The following KCND3 variants were observed in gnomAD, a reference collection of about 807,000 sequenced individuals.
The protein encoded by KCND3 is potassium voltage-gated channel subfamily D member 3.
In KCND3, 9 loss-of-function variants were observed where a neutral mutation model predicts 51.1. That is an observed-to-expected ratio of 0.18 (90% CI 0.11 to 0.31). The LOEUF (loss-of-function observed/expected upper bound fraction) is 0.31. Ranked by LOEUF, KCND3 falls within the 10% of genes least tolerant of loss-of-function variation. The pLI, the probability that KCND3 is intolerant of heterozygous loss-of-function variation, is 1.00. For synonymous variants in KCND3, 349 were observed against 368.0 expected (o/e 0.95, Z 0.59); for missense variants, 526 against 903.8 (o/e 0.58, Z 5.36).
chr1:111,937,117 G>A (rs1396675283), intron 2 of KCND3, among the ~76,000 whole-genome samples: 1 of 152,158 alleles, frequency 6.6e-6, no homozygotes, highest in African/African-American at 2.4e-5. Context: ...AGTTGTCTGG[G>A]TAAGTCCCAA....
intron 2 of KCND3, among the ~76,000 whole-genome samples, chr1:111,845,978 G>A (rs1365393655): frequency 6.6e-6 from 1 of 152,186 alleles, no homozygotes; most frequent in East Asian, 1.9e-4. Context: ...TCCATTCCCA[G>A]TGAGTCCCCA....
chr1:111,784,702 C>T (rs1305719957), intron 3 of KCND3, among the ~76,000 whole-genome samples: 1 of 152,080 alleles, frequency 6.6e-6, no homozygotes, highest in Admixed American at 6.5e-5. Context: ...TTTTTTTTCC[C>T]TCTTATAGGA....
At chr1:111,956,314 G>A (rs374438546) in intron 2 of KCND3, among the ~76,000 whole-genome samples, 4 of 152,146 alleles carry the variant, frequency 2.6e-5, no homozygotes, top group East Asian at 1.9e-4. Flanking sequence ...GGGCATCAAC[G>A]TCATCAGTGC....
chr1:111,956,050 A>G (rs1186071307), intron 2 of KCND3, among the ~76,000 whole-genome samples: 1 of 152,098 alleles, frequency 6.6e-6, no homozygotes, highest in East Asian at 1.9e-4. Flanking sequence ...ATTACCTTTA[A>G]TTTACAGATG....
At position 111,775,819 on chromosome 1, in the gene KCND3, A is replaced by AGCCC; in HGVS notation, c.*257_*258insGGGC. 4 of 97,706 alleles carry AGCCC rather than the reference A, an allele frequency of 4.1e-5. No individual in the cohort carries two copies. Among genetic ancestry groups the AGCCC allele is most frequent in the South Asian group, 1.9e-4 (1 of 5,202 alleles). The allele number at this position is 97,706 out of a possible 1,614,324, so 6.1% of individuals were successfully genotyped here. On this transcript the variant is annotated 3_prime_UTR_variant, in exon 8 of 8. Transcript: ENST00000302127. ...GCCTATATCCCCCGGCCTATCCCCG[A>AGCCC]CCCCCCCACCCTCCCTCCCTTCCTC...
At chr1:111,800,413 G>A (rs564420833) in intron 2 of KCND3, among the ~76,000 whole-genome samples, 3 of 108,670 alleles carry the variant, frequency 2.8e-5, no homozygotes, top group Non-Finnish European at 5.6e-5. Context: ...GCGGAAGGCC[G>A]CAGGGTCCTC....
At chr1:111,841,386 G>A (rs1269767167) in intron 2 of KCND3, among the ~76,000 whole-genome samples, 4 of 152,170 alleles carry the variant, frequency 2.6e-5, no homozygotes, top group African/African-American at 9.7e-5. Flanking sequence ...ATGAGCTTAT[G>A]TTAACTTGTT....
chr1:111,783,663 G>C (rs1451650846), intron 3 of KCND3, among the ~76,000 whole-genome samples: 1 of 152,120 alleles, frequency 6.6e-6, no homozygotes, highest in Non-Finnish European at 1.5e-5. Flanking sequence ...TTGCATTCTG[G>C]GACATTTATT....
At chr1:111,841,544 A>G (rs536810221) in intron 2 of KCND3, among the ~76,000 whole-genome samples, 2 of 152,372 alleles carry the variant, frequency 1.3e-5, no homozygotes, top group East Asian at 3.9e-4. Flanking sequence ...ATCGCTATGC[A>G]ACTCAGAGCA....
At chr1:111,815,130 C>T (rs182668815) in intron 2 of KCND3, among the ~76,000 whole-genome samples, 2 of 152,146 alleles carry the variant, frequency 1.3e-5, no homozygotes, top group African/African-American at 4.8e-5. Flanking sequence ...ATCCTCAGAG[C>T]CTTGGTGGTA....
intron 3 of KCND3, among the ~76,000 whole-genome samples, chr1:111,781,706 A>G (rs1015102391): frequency 2.0e-5 from 3 of 152,122 alleles, no homozygotes; most frequent in African/African-American, 4.8e-5. Flanking sequence ...TTTAGTAGAG[A>G]TGGGGTTTCA....
chr1:111,934,078 C>A (rs115203269), intron 2 of KCND3, among the ~76,000 whole-genome samples: 1,934 of 152,256 alleles, frequency 0.013, 36 homozygotes, highest in African/African-American at 0.042. Context: ...GGTGCGGGGG[C>A]TCAGCAGGTC....
chr1:111,814,889 TCTG>T (rs1307057088), intron 2 of KCND3, among the ~76,000 whole-genome samples: 5 of 152,252 alleles, frequency 3.3e-5, no homozygotes, highest in Admixed American at 6.5e-5. Context: ...CTAGGATGTG[TCTG>T]CTCAGCCATA....
At chr1:111,832,553 T>C (rs1666883681) in intron 2 of KCND3, among the ~76,000 whole-genome samples, 1 of 152,164 alleles carries the variant, frequency 6.6e-6, no homozygotes, top group African/African-American at 2.4e-5. Flanking sequence ...CCCTAAAGCA[T>C]GTAGCAGCCA....
chr1:111,868,256 C>T (rs1174977766), intron 2 of KCND3, among the ~76,000 whole-genome samples: 2 of 152,136 alleles, frequency 1.3e-5, no homozygotes, highest in East Asian at 1.9e-4. Context: ...CCAACCTGCC[C>T]GGGATGAGAA....
intron 2 of KCND3, among the ~76,000 whole-genome samples, chr1:111,955,414 A>T (rs1673280274): frequency 6.6e-6 from 1 of 152,150 alleles, no homozygotes; most frequent in Non-Finnish European, 1.5e-5. Context: ...ACCCTGTCTC[A>T]AACAACAACA....
chr1:111,889,148 T>C (rs1669709632), intron 2 of KCND3, among the ~76,000 whole-genome samples: 1 of 152,224 alleles, frequency 6.6e-6, no homozygotes, highest in South Asian at 2.1e-4. Context: ...TTCAGCAACC[T>C]GCTGCTCTTC....
intron 3 of KCND3, among the ~76,000 whole-genome samples, chr1:111,786,711 T>G (rs1664618513): frequency 6.6e-6 from 1 of 151,860 alleles, no homozygotes; most frequent in Non-Finnish European, 1.5e-5. Flanking sequence ...TGCCAAAAAA[T>G]GTCCAAAGGG....
chr1:111,982,316 C>T lies in KCND3; in HGVS notation c.411G>A (p.Lys137=). 7.4e-6 allele frequency: 12 copies of T among 1,614,150 alleles called. No homozygotes were observed. Among genetic ancestry groups the T allele is most frequent in the African/African-American group, 2.7e-5 (2 of 75,060 alleles). The stretch of plus-strand genomic sequence containing the variant: ...GCTCGGCGTTCTCCCTCTTGCGGTC[C>T]TTGTACTCCTCGTAGCAGCAGTCCC... The part of the protein sequence containing the change: ...IIGDCCYEEY[K]DRKRENAERL... Residue 137 remains lysine (K), a synonymous_variant, in exon 2 of 8, where the codon AAG becomes AAA. Transcript: ENST00000302127. The surrounding 1 kb of genome is among the most constrained non-coding windows in gnomAD (Gnocchi z 8.5).
Sources: gnomAD v4.1 joint callset for allele counts (sites outside exome capture counted in the v4.1 genomes callset) on GRCh38, gnomAD v4.1.1 for gene constraint, Gnocchi (gnomAD v3.1) non-coding constraint, MANE v1.5 for transcripts, NCBI Gene and HGNC (gene_info 2026-07-23, HGNC 2026-07-21) for gene names.